The following APBB3 variants were observed in gnomAD, a reference collection of about 807,000 sequenced individuals.
The protein encoded by APBB3 is amyloid beta precursor protein binding family B member 3.
Under a neutral mutation model 61.5 loss-of-function variants are expected in APBB3, and 50 were observed. The observed-to-expected ratio is 0.81, with a 90% CI of 0.65 to 1.03. APBB3 has a LOEUF of 1.03. Ranked by LOEUF, APBB3 falls within the 50% of genes least tolerant of loss-of-function variation. The pLI is 0.00. For missense variants in APBB3, 550 were observed against 637.4 expected (o/e 0.86, Z 1.48); for synonymous variants, 235 against 233.0 (o/e 1.01, Z -0.08).
At chr5:140,562,625 C>T in intron 4 of APBB3, 38 bp downstream of exon 4, 2 of 1,613,364 alleles carry the variant, frequency 1.2e-6, no homozygotes, top group Non-Finnish European at 1.7e-6. Flanking sequence ...TTGTCTTTCC[C>T]TTGGGACCTC....
chr5:140,563,613 C>T lies in APBB3; in HGVS notation c.271G>A (p.Glu91Lys). The T allele has an allele frequency of 7.4e-6, 12 of 1,614,234 alleles. No homozygotes were observed. The highest frequency in any genetic ancestry group is 9.3e-6 in the Non-Finnish European group (11 of 1,180,048). ...PPKGRSFSSL[E>K]SSLDRSNSLS... Reference sequence around the variant, plus strand: ...CGTTACCTCCGGTCCAGTGAACTCTCCAGGCTGGAGAAGGATCTCCCTTTG... The same window carrying T: ...CGTTACCTCCGGTCCAGTGAACTCTTCAGGCTGGAGAAGGATCTCCCTTTG... The change falls in exon 3 of 13, where the codon GAG (glutamate) becomes AAG (lysine). Residue 91 changes from glutamate to lysine, a missense_variant. Glu to Lys is a moderately conservative substitution (Grantham distance 56). This residue lies in a region of APBB3 where 405 missense variants were observed against 483.4 expected (regional missense o/e 0.84). Coordinates refer to ENST00000357560, the MANE Select transcript of APBB3 (RefSeq NM_133173.3).
intron 3 of APBB3, 91 bp from the exon 4 acceptor site, chr5:140,562,814 G>A: frequency 2.4e-6 from 3 of 1,234,556 alleles, no homozygotes; most frequent in Non-Finnish European, 3.6e-6. Flanking sequence ...CAGGATGAGG[G>A]GCAAGACCCA....
rs919414994 is a variant in APBB3, at chr5:140,564,550, C to A, written c.-305G>T. 1.8e-6 allele frequency: 1 copy of A among 564,344 alleles called. No homozygotes were observed. The allele number at this position is 564,344 out of a possible 1,614,324, so 35.0% of individuals were successfully genotyped here. A position where few individuals can be genotyped will look rare whatever the true frequency, so the allele number is the denominator to read the frequency against. ...GCCAGCGAAACCGCTGACACCACCGCCCAACTATGAACTCATCAGGCGCCT... is the reference window on the plus strand; with the variant it reads ...GCCAGCGAAACCGCTGACACCACCGACCAACTATGAACTCATCAGGCGCCT... On this transcript the variant is annotated 5_prime_UTR_variant, in exon 1 of 13. Coordinates refer to ENST00000357560, the MANE Select transcript of APBB3 (RefSeq NM_133173.3). This position sits in a 1 kb window ranked among gnomAD's most constrained non-coding sequence, Gnocchi z 5.0.
At position 140,560,755 on chromosome 5, in the gene APBB3, C is replaced by A. The variant is rs201256812; in HGVS notation, c.917-1G>T. 2 of 1,613,596 alleles carry A rather than the reference C, an allele frequency of 1.2e-6. No homozygotes were observed. The highest frequency in any genetic ancestry group is 2.7e-5 in the African/African-American group (2 of 74,890). On this transcript the variant is annotated splice_acceptor_variant, in intron 10 of 12. Transcript: ENST00000357560. LOFTEE classifies it high-confidence loss of function. This position sits in a 1 kb window ranked among gnomAD's most constrained non-coding sequence, Gnocchi z 5.1. Reference sequence around the variant, plus strand: ...ATGGCCTCGTTCAGCACATCCATGCCTGGGGGAACATACCCAGCGTGTCTC... The same window carrying A: ...ATGGCCTCGTTCAGCACATCCATGCATGGGGGAACATACCCAGCGTGTCTC...
In APBB3 at chr5:140,563,985, TCC is replaced by T. The variant is rs2127135212; in HGVS notation, c.50-72_50-71del. 1.9e-6 allele frequency: 3 copies of T among 1,566,706 alleles called. No individual in the cohort carries two copies. In the East Asian group the frequency reaches 6.8e-5, roughly 35 times the overall value. ...AGTTCAGAATAACATGCTGTCATAATCCCCTCTCCATCCCCAAAATGGGTCAG... is the reference window on the plus strand; with the variant it reads ...AGTTCAGAATAACATGCTGTCATAATCCTCTCCATCCCCAAAATGGGTCAG... On this transcript the variant is annotated intron_variant, in intron 1 of 12. Coordinates refer to ENST00000357560, the MANE Select transcript of APBB3 (RefSeq NM_133173.3).
chr5:140,564,012 G>A lies in APBB3; in HGVS notation c.50-97C>T. 6.6e-7 allele frequency: 1 copy of A among 1,513,702 alleles called. No individual in the cohort carries two copies. The highest frequency in any genetic ancestry group is 8.9e-7 in the Non-Finnish European group (1 of 1,120,618). 93.8% of individuals were successfully genotyped at this position (1,513,702 alleles called of 1,614,324 possible). A position where few individuals can be genotyped will look rare whatever the true frequency, so the allele number is the denominator to read the frequency against. ...CCCTCTCCATCCCCAAAATGGGTCA[G>A]TTCTTAGGCTGAAGATCCAGGCTCC... On this transcript the variant is annotated intron_variant, in intron 1 of 12. Transcript: ENST00000357560. This position sits in a 1 kb window ranked among gnomAD's most constrained non-coding sequence, Gnocchi z 5.0.
At position 140,564,390 on chromosome 5, in the gene APBB3, G is replaced by T. The variant is rs1261419524; in HGVS notation, c.-145C>A. 1 of 975,970 alleles carries T rather than the reference G, an allele frequency of 1.0e-6. No homozygotes were observed. Among genetic ancestry groups the T allele is most frequent in the African/African-American group, 1.6e-5 (1 of 61,964 alleles). The allele number at this position is 975,970 out of a possible 1,614,324, so 60.5% of individuals were successfully genotyped here. Reference sequence around the variant, plus strand: ...GCCGCACAAATACGGGGCGGGACACGGGGCGGGACACGGGCCGGTCCCGGG... The same window carrying T: ...GCCGCACAAATACGGGGCGGGACACTGGGCGGGACACGGGCCGGTCCCGGG... On this transcript the variant is annotated 5_prime_UTR_variant, in exon 1 of 13. Transcript: ENST00000357560. The surrounding 1 kb of genome is among the most constrained non-coding windows in gnomAD (Gnocchi z 5.0).
At position 140,563,587 on chromosome 5, in the gene APBB3, C is replaced by A. The variant is rs1468838114; in HGVS notation, c.290+7G>T. The A allele has an allele frequency of 6.2e-7, 1 of 1,614,182 alleles. No homozygotes were observed. Among genetic ancestry groups the A allele is most frequent in the East Asian group, 2.2e-5 (1 of 44,880 alleles). ...AAGCCTTTCATTTTGCCTGGGCCAC[C>A]CGTTACCTCCGGTCCAGTGAACTCT... On this transcript the variant is annotated splice_region_variant and intron_variant, in intron 3 of 12. Coordinates refer to ENST00000357560, the MANE Select transcript of APBB3 (RefSeq NM_133173.3).
At chr5:140,562,044 A>G in intron 6 of APBB3, 56 bp downstream of exon 6, 1 of 1,612,674 alleles carries the variant, frequency 6.2e-7, no homozygotes, top group Non-Finnish European at 8.5e-7. Flanking sequence ...TGGGGATCAC[A>G]GCCTGCAGCC....
In APBB3 at chr5:140,560,405, C is replaced by T. The variant is rs777567525; in HGVS notation, c.1132G>A (p.Ala378Thr). ...TGGAAGCTCTGACGGCCCAGGTCAGCGATGAGGCCAAAGGTGTGTGGGTCG... is the reference window on the plus strand; with the variant it reads ...TGGAAGCTCTGACGGCCCAGGTCAGTGATGAGGCCAAAGGTGTGTGGGTCG... ...GRDPHTFGLIADLGRQSFQCA... is the reference protein window; with the variant it reads ...GRDPHTFGLITDLGRQSFQCA... Residue 378 changes from alanine (A) to threonine (T), a missense_variant, in exon 12 of 13, where the codon GCT becomes ACT. Physicochemically the swap from Ala to Thr is moderately conservative, Grantham distance 58 (BLOSUM62 0). This residue lies in a region of APBB3 where 7 missense variants were observed against 21.5 expected (regional missense o/e 0.33). Coordinates refer to ENST00000357560, the MANE Select transcript of APBB3 (RefSeq NM_133173.3). The surrounding 1 kb of genome is among the most constrained non-coding windows in gnomAD (Gnocchi z 5.1). 3.7e-6 allele frequency: 6 copies of T among 1,614,200 alleles called. No individual in the cohort carries two copies. Among genetic ancestry groups the T allele is most frequent in the Admixed American group, 3.3e-5 (2 of 60,022 alleles).
chr5:140,558,926 G>A (rs1754826158), intron 12 of APBB3, 105 bp from the exon 13 acceptor site: 2 of 1,025,014 alleles, frequency 2.0e-6, no homozygotes, highest in South Asian at 2.7e-5. Context: ...TGATAACAAG[G>A]TTGGTAGTCA....
In APBB3 at chr5:140,561,627, G is replaced by C; in HGVS notation, c.707C>G (p.Ala236Gly). ...ATGTAGGGCACTGGCAATGGCCTTG[G>C]CAGGGACATCACAGCAAAACACATG... Reference protein sequence around the residue: ...KCHVFCCDVPAKAIASALHGL... With the variant: ...KCHVFCCDVPGKAIASALHGL... The change falls in exon 8 of 13, where the codon GCC (alanine) becomes GGC (glycine). Residue 236 changes from alanine to glycine, a missense_variant. Physicochemically the swap from Ala to Gly is moderately conservative, Grantham distance 60 (BLOSUM62 0). This residue lies in a region of APBB3 where 405 missense variants were observed against 483.4 expected (regional missense o/e 0.84). Coordinates refer to ENST00000357560, the MANE Select transcript of APBB3 (RefSeq NM_133173.3). 1 of 1,614,246 alleles carries C rather than the reference G, an allele frequency of 6.2e-7. No homozygotes were observed. The highest frequency in any genetic ancestry group is 1.1e-5 in the South Asian group (1 of 91,092).
intron 3 of APBB3, 90 bp downstream of exon 3, chr5:140,563,504 A>G (rs1285833533): frequency 7.7e-5 from 115 of 1,484,062 alleles, no homozygotes; most frequent in Non-Finnish European, 9.9e-5. Context: ...AGAATCCAGA[A>G]CCTGGGCTGG....
rs751895070 is a variant in APBB3, at chr5:140,561,485, G to C, written c.748-36C>G. 3.1e-6 allele frequency: 5 copies of C among 1,613,998 alleles called. No homozygotes were observed. The East Asian group carries it at 6.7e-5, about 22-fold the overall frequency. On this transcript the variant is annotated intron_variant, in intron 8 of 12. Coordinates refer to ENST00000357560, the MANE Select transcript of APBB3 (RefSeq NM_133173.3). The stretch of plus-strand genomic sequence containing the variant: ...ATGAAGCCAGCATGACCCACAGGGA[G>C]AGAGGGGAATTAGGGTAAAAGGGCC...
rs1456167903 is a variant in APBB3 at position 140,558,755 on chromosome 5, C to T, written c.1291G>A (p.Ala431Thr). 6.2e-7 allele frequency: 1 copy of T among 1,607,026 alleles called. No individual in the cohort carries two copies. The highest frequency in any genetic ancestry group is 8.5e-7 in the Non-Finnish European group (1 of 1,178,174). Residue 431 changes from alanine to threonine, a missense_variant, in exon 13 of 13, where the codon GCC becomes ACC. By Grantham distance (58) the Ala-to-Thr change is moderately conservative (BLOSUM62 0). Around this residue, in one of 3 missense-constraint regions of APBB3, gnomAD observed 138 missense variants for 132.6 expected, o/e 1.04. Coordinates refer to ENST00000357560, the MANE Select transcript of APBB3 (RefSeq NM_133173.3). ...CTGGTCCGCTTGAGCCGCAGGCGGG[C>T]ACGGGCCTGGGCACCCCAGGCCTTG... ...RGKAWGAQAR[A>T]RLRLKRTSSM...
At position 140,558,583 on chromosome 5, in the gene APBB3, G is replaced by C; in HGVS notation, c.*2C>G. ...CTACTTCCCCAGCCTTCCCAGATAA[G>C]TTTAGGGCATATGGAGCAGAGAGGG... On this transcript the variant is annotated 3_prime_UTR_variant, in exon 13 of 13. Coordinates refer to ENST00000357560, the MANE Select transcript of APBB3 (RefSeq NM_133173.3). The C allele has an allele frequency of 6.2e-7, 1 of 1,614,044 alleles. No individual in the cohort carries two copies.
intron 5 of APBB3, 39 bp from the exon 6 acceptor site, chr5:140,562,266 G>C (rs1471628225): frequency 6.2e-7 from 1 of 1,612,560 alleles, no homozygotes; most frequent in Non-Finnish European, 8.5e-7. Flanking sequence ...TCAGATAAAG[G>C]TCATTGCCAT....
intron 9 of APBB3, 63 bp downstream of exon 9, chr5:140,561,302 G>GC (rs533756040): frequency 0.013 from 20,246 of 1,568,776 alleles, 161 homozygotes; most frequent in Non-Finnish European, 0.016. Flanking sequence ...ACCAGAAATC[G>GC]CCCCCCCACA....
At chr5:140,561,547 A>T in intron 8 of APBB3, 40 bp downstream of exon 8, 2 of 1,613,382 alleles carry the variant, frequency 1.2e-6, no homozygotes, top group Non-Finnish European at 8.5e-7. Flanking sequence ...TTCAGACCCA[A>T]CCCCTTACCC....
Sources: allele counts gnomAD v4.1 joint callset, GRCh38; gene constraint gnomAD v4.1.1; regional missense constraint gnomAD v4.1.1; non-coding constraint Gnocchi (gnomAD v3.1); transcripts MANE v1.5; gene names NCBI Gene and HGNC (gene_info 2026-07-23, HGNC 2026-07-21).